Variants in BEND2 observed in about 807,000 individuals in gnomAD.
The protein encoded by BEND2 is BEN domain-containing protein 2.
BEND2 carries 19 observed loss-of-function variants against 43.8 expected under a neutral mutation model. The observed-to-expected ratio is 0.43, with a 90% CI of 0.30 to 0.64. BEND2 has a LOEUF of 0.64. BEND2 is among the 30% of genes least tolerant of loss of function. The probability of loss-of-function intolerance (pLI) is 0.11; values close to 1 mark genes in which losing one functional copy is unlikely to be tolerated. For missense variants in BEND2, 544 were observed against 574.0 expected (o/e 0.95, Z 0.53); for synonymous variants, 226 against 210.1 (o/e 1.08, Z -0.66).
intron 13 of BEND2, among the ~76,000 whole-genome samples, chrX:18,169,087 G>A (rs1466473323): frequency 1.8e-5 from 2 of 110,111 alleles, no homozygotes; most frequent in African/African-American, 6.6e-5. Context: ...CAGGGTTGCA[G>A]TGAGCCACGA....
At chrX:18,196,917 G>A (rs751128720) in intron 6 of BEND2, among the ~76,000 whole-genome samples, 8 of 111,056 alleles carry the variant, frequency 7.2e-5, no homozygotes, top group South Asian at 3.8e-4. Flanking sequence ...AAACCTATTC[G>A]TGGAAGAAAA....
At chrX:18,185,119 A>T (rs1019257496) in intron 8 of BEND2, among the ~76,000 whole-genome samples, 1 of 110,139 alleles carries the variant, frequency 9.1e-6, no homozygotes, top group Non-Finnish European at 1.9e-5. Context: ...CAAAAAAGAC[A>T]AAAGAAAAAA....
chrX:18,215,547 T>TG (rs904748081), intron 2 of BEND2, among the ~76,000 whole-genome samples: 3 of 111,756 alleles, frequency 2.7e-5, no homozygotes, highest in South Asian at 3.7e-4. Flanking sequence ...TTGTAAATGA[T>TG]GGGGGGGAGA....
At chrX:18,185,174 C>T (rs1924523465) in intron 8 of BEND2, among the ~76,000 whole-genome samples, 1 of 109,402 alleles carries the variant, frequency 9.1e-6, no homozygotes, top group South Asian at 4.0e-4. Flanking sequence ...CTCAAAATGG[C>T]AAATCTAAGA....
intron 8 of BEND2, 23 bp from the exon 9 acceptor site, chrX:18,180,673 T>C (rs1266021671): frequency 8.8e-7 from 1 of 1,135,306 alleles, no homozygotes; most frequent in Non-Finnish European, 1.2e-6. Context: ...AACTCTCAAC[T>C]GACAATTCTA....
At chrX:18,180,900 G>A (rs776786410) in intron 8 of BEND2, among the ~76,000 whole-genome samples, 2 of 108,794 alleles carry the variant, frequency 1.8e-5, no homozygotes, top group African/African-American at 3.4e-5. Flanking sequence ...TTAGCCTTCC[G>A]AGTAGCTGGA....
chrX:18,188,824 A>C (rs1266100625), intron 8 of BEND2, among the ~76,000 whole-genome samples: 2 of 112,342 alleles, frequency 1.8e-5, no homozygotes, highest in Non-Finnish European at 3.8e-5. Flanking sequence ...ACATCAAAAA[A>C]AGAAAACCAC....
chrX:18,178,408 C>T (rs746255242), intron 9 of BEND2, among the ~76,000 whole-genome samples: 1 of 111,502 alleles, frequency 9.0e-6, no homozygotes, highest in East Asian at 2.8e-4. Context: ...TTGAAAAGGT[C>T]ACACTGCTAG....
intron 7 of BEND2, 59 bp from the exon 8 acceptor site, chrX:18,191,167 C>G: frequency 1.1e-6 from 1 of 886,980 alleles, no homozygotes; most frequent in Admixed American, 2.7e-5. Flanking sequence ...GACAAGAAAT[C>G]TCAACCATGT....
At chrX:18,179,578 CA>C (rs1170997902) in intron 9 of BEND2, among the ~76,000 whole-genome samples, 1 of 111,289 alleles carries the variant, frequency 9.0e-6, no homozygotes, top group African/African-American at 3.3e-5. Flanking sequence ...ATCCCCCCAC[CA>C]ATGTGTGTGA....
chrX:18,210,321 T>G (rs915510277), intron 4 of BEND2, among the ~76,000 whole-genome samples: 1 of 111,853 alleles, frequency 8.9e-6, no homozygotes, highest in Admixed American at 9.6e-5. Context: ...TTCTTCACAA[T>G]CAAGTATTCA....
Position 18,177,700 on chromosome X carries a change from G to C in BEND2, c.1499C>G (p.Ala500Gly). The stretch of plus-strand genomic sequence containing the variant: ...GTAGCAGGCTGCTTGCTTAGGTTTG[G>C]CCATATTTTGTACGGCCAGCAAATG... ...KIHLLAVQNM[A>G]KPKQAACYLV... Residue 500 changes from alanine (A) to glycine (G), a missense_variant, in exon 10 of 14, where the codon GCC (alanine) becomes GGC (glycine). By Grantham distance (60) the Ala-to-Gly change is moderately conservative (BLOSUM62 0). This residue lies in a region of BEND2 where 501 missense variants were observed against 501.6 expected (regional missense o/e 1.00). Transcript: ENST00000380033. 1.7e-6 allele frequency: 2 copies of C among 1,210,416 alleles called. No homozygotes were observed. Among genetic ancestry groups the C allele is most frequent in the Non-Finnish European group, 2.2e-6 (2 of 894,759 alleles).
At chrX:18,173,708 C>T (rs921767260) in intron 12 of BEND2, among the ~76,000 whole-genome samples, 5 of 111,826 alleles carry the variant, frequency 4.5e-5, no homozygotes, top group African/African-American at 1.6e-4. Context: ...GCCAGGCACA[C>T]AGAGAACAAG....
chrX:18,204,058 T>A (rs774159295), intron 4 of BEND2, 143 bp from the exon 5 acceptor site: 59 of 482,447 alleles, frequency 1.2e-4, no homozygotes, highest in Non-Finnish European at 1.7e-4. Context: ...ATAAGTCAAC[T>A]GTAACTTAAA....
intron 13 of BEND2, among the ~76,000 whole-genome samples, chrX:18,170,047 A>G (rs1044155384): frequency 3.6e-5 from 4 of 111,618 alleles, no homozygotes; most frequent in African/African-American, 1.3e-4. Flanking sequence ...TTTTAACCAT[A>G]AAGTAAGGGA....
rs1028032227 is a variant in BEND2 at position 18,163,395 on chromosome X, T to C, written c.*1614A>G. The C allele has an allele frequency of 8.9e-6, 1 of 111,977 alleles. No homozygotes were observed. 9.2% of individuals were successfully genotyped at this position (111,977 alleles called of 1,213,427 possible). On this transcript the variant is annotated 3_prime_UTR_variant, in exon 14 of 14. Coordinates refer to ENST00000380033, the MANE Select transcript of BEND2 (RefSeq NM_153346.5). ...TATTTCACTTTAAATTCTAATTAGCTAAAATGAGAGAAAATGTTAAATTTA... is the reference window on the plus strand; with the variant it reads ...TATTTCACTTTAAATTCTAATTAGCCAAAATGAGAGAAAATGTTAAATTTA...
At chrX:18,215,413 G>A (rs1016596306) in intron 2 of BEND2, among the ~76,000 whole-genome samples, 2 of 112,032 alleles carry the variant, frequency 1.8e-5, no homozygotes, top group African/African-American at 6.5e-5. Context: ...ACAGATAAGT[G>A]GTATCAAATG....
chrX:18,184,063 G>A (rs753854257), intron 8 of BEND2, among the ~76,000 whole-genome samples: 2 of 111,668 alleles, frequency 1.8e-5, no homozygotes, highest in Non-Finnish European at 3.8e-5. Flanking sequence ...CAAGACTCAG[G>A]GCTCTGCTGG....
At chrX:18,177,259 CTT>C (rs3082649) in intron 10 of BEND2, among the ~76,000 whole-genome samples, 21,625 of 56,042 alleles carry the variant, frequency 0.39, 4,117 homozygotes, top group Middle Eastern at 0.52. Flanking sequence ...GAGCTTTTTC[CTT>C]TTTTTTTTTT....
Sources: allele counts gnomAD v4.1 joint callset (sites outside exome capture counted in the v4.1 genomes callset), GRCh38; gene constraint gnomAD v4.1.1; regional missense constraint gnomAD v4.1.1; transcripts MANE v1.5; gene names NCBI Gene and HGNC (gene_info 2026-07-23, HGNC 2026-07-21).